Variants in STARD10 observed in about 807,000 individuals in gnomAD.
STARD10 encodes StAR related lipid transfer domain containing 10, also known as START domain-containing protein 10.
In STARD10, 24 loss-of-function variants were observed where a neutral mutation model predicts 36.0. The ratio of observed to expected loss-of-function variants is 0.67; its 90% CI spans 0.48 to 0.94. The LOEUF is 0.94. STARD10 is among the 40% of genes least tolerant of loss of function. STARD10 has a pLI of 0.00. For synonymous variants in STARD10, 156 were observed against 161.9 expected (o/e 0.96, Z 0.28); for missense variants, 335 against 396.6 (o/e 0.84, Z 1.32).
At chr11:72,760,689 T>C (rs1414074974) in intron 2 of STARD10, among the ~76,000 whole-genome samples, 6 of 152,162 alleles carry the variant, frequency 3.9e-5, no homozygotes, top group Admixed American at 3.9e-4. Context: ...ACTCGCCCAA[T>C]GTCACTCAGC....
At chr11:72,777,906 C>T (rs1858946784) in intron 2 of STARD10, among the ~76,000 whole-genome samples, 1 of 152,192 alleles carries the variant, frequency 6.6e-6, no homozygotes, top group Non-Finnish European at 1.5e-5. Flanking sequence ...GCTTTCCCAG[C>T]TCTGGGGACA....
intron 2 of STARD10, among the ~76,000 whole-genome samples, chr11:72,762,972 C>A (rs1858740488): frequency 1.3e-5 from 2 of 152,182 alleles, no homozygotes; most frequent in African/African-American, 2.4e-5. Context: ...CATGGAACAT[C>A]TTCTTGTGCC....
chr11:72,792,655 A>G (rs1859162190), intron 1 of STARD10, among the ~76,000 whole-genome samples: 1 of 152,016 alleles, frequency 6.6e-6, no homozygotes, highest in African/African-American at 2.4e-5. Context: ...CCTAGACCTC[A>G]GCTCAATGCG....
At chr11:72,755,599 C>G (rs745761991) in intron 6 of STARD10, 102 bp downstream of exon 6, 1 of 1,364,872 alleles carries the variant, frequency 7.3e-7, no homozygotes, top group South Asian at 1.2e-5. Flanking sequence ...GCATGAGCCA[C>G]CACGCCTGGC....
intron 3 of STARD10, 35 bp downstream of exon 3, chr11:72,759,199 A>G: frequency 3.7e-6 from 6 of 1,610,962 alleles, no homozygotes; most frequent in Non-Finnish European, 5.1e-6. Context: ...GATGGAGGCC[A>G]AGGGGACTGG....
chr11:72,776,807 G>A (rs1454473905), intron 2 of STARD10, among the ~76,000 whole-genome samples: 1 of 152,156 alleles, frequency 6.6e-6, no homozygotes, highest in African/African-American at 2.4e-5. Flanking sequence ...GGGTGAGAGG[G>A]TGAGGTGCTG....
rs1173742341 is a variant in STARD10, at chr11:72,781,722, G to C, written c.-113-428C>G. The C allele has an allele frequency of 6.7e-6, 1 of 148,236 alleles. No homozygotes were observed. Among genetic ancestry groups the C allele is most frequent in the Non-Finnish European group, 1.5e-5 (1 of 66,532 alleles). The allele number at this position is 148,236 out of a possible 1,614,324, so 9.2% of individuals were successfully genotyped here. A position where few individuals can be genotyped will look rare whatever the true frequency, so the allele number is the denominator to read the frequency against. On this transcript the variant is annotated intron_variant, in intron 1 of 6. Transcript: ENST00000334805. This position sits in a 1 kb window ranked among gnomAD's most constrained non-coding sequence, Gnocchi z 4.7. Reference sequence around the variant, plus strand: ...CCGGGGTGCCAGCGCCGCCGCCGCAGCTGCCCGGGAGACCCGGGGCCGCGC... The same window carrying C: ...CCGGGGTGCCAGCGCCGCCGCCGCACCTGCCCGGGAGACCCGGGGCCGCGC...
intron 2 of STARD10, among the ~76,000 whole-genome samples, chr11:72,770,378 C>T (rs1421656207): frequency 6.6e-6 from 1 of 152,066 alleles, no homozygotes; most frequent in Non-Finnish European, 1.5e-5. Context: ...CCATCGCGCC[C>T]GGCTAATTTT....
At chr11:72,776,061 A>T (rs1462820020) in intron 2 of STARD10, among the ~76,000 whole-genome samples, 1 of 152,202 alleles carries the variant, frequency 6.6e-6, no homozygotes, top group Non-Finnish European at 1.5e-5. Flanking sequence ...CTGTTCCCCA[A>T]GGACAGCTCT....
intron 2 of STARD10, among the ~76,000 whole-genome samples, chr11:72,761,693 C>G (rs1024487211): frequency 5.3e-5 from 8 of 151,706 alleles, no homozygotes; most frequent in African/African-American, 1.9e-4. Context: ...TTCCGTGAGC[C>G]GAGATCATGC....
chr11:72,765,669 G>A (rs573806308), intron 2 of STARD10, among the ~76,000 whole-genome samples: 28 of 152,176 alleles, frequency 1.8e-4, no homozygotes, highest in Non-Finnish European at 3.5e-4. Flanking sequence ...TGCCTAGCGC[G>A]TAGTAAATAC....
At chr11:72,777,656 G>C (rs1858943186) in intron 2 of STARD10, among the ~76,000 whole-genome samples, 1 of 152,228 alleles carries the variant, frequency 6.6e-6, no homozygotes, top group Admixed American at 6.5e-5. Context: ...GTGCAGCCCT[G>C]GGGCCAGGTC....
At chr11:72,763,495 C>G (rs1373764033) in intron 2 of STARD10, among the ~76,000 whole-genome samples, 3 of 152,142 alleles carry the variant, frequency 2.0e-5, no homozygotes, top group African/African-American at 7.2e-5. Context: ...GAGAGGAATA[C>G]AGGTATCACT....
At chr11:72,761,358 T>C (rs1448075439) in intron 2 of STARD10, among the ~76,000 whole-genome samples, 1 of 152,124 alleles carries the variant, frequency 6.6e-6, no homozygotes, top group Non-Finnish European at 1.5e-5. Flanking sequence ...ACACCATCTA[T>C]AAAGGGGATT....
chr11:72,773,835 G>C (rs574625696), intron 2 of STARD10, among the ~76,000 whole-genome samples: 1 of 152,170 alleles, frequency 6.6e-6, no homozygotes, highest in Non-Finnish European at 1.5e-5. Context: ...CTCGTCACCC[G>C]TTCAGGATGT....
At chr11:72,761,847 G>A (rs935893861) in intron 2 of STARD10, among the ~76,000 whole-genome samples, 1 of 150,624 alleles carries the variant, frequency 6.6e-6, no homozygotes, top group African/African-American at 2.4e-5. Context: ...TAACAGTGGA[G>A]ATCTCTAAAT....
At chr11:72,776,579 C>G (rs1045481102) in intron 2 of STARD10, among the ~76,000 whole-genome samples, 2 of 152,112 alleles carry the variant, frequency 1.3e-5, no homozygotes, top group African/African-American at 4.8e-5. Context: ...CTTGGCGAGT[C>G]AAGGACCTAG....
intron 2 of STARD10, among the ~76,000 whole-genome samples, chr11:72,772,234 G>A (rs1268293150): frequency 6.6e-6 from 1 of 150,806 alleles, no homozygotes; most frequent in Non-Finnish European, 1.5e-5. Context: ...TAGTGGGCAT[G>A]GCTCCCCTGT....
At chr11:72,776,053 G>T (rs147098910) in intron 2 of STARD10, among the ~76,000 whole-genome samples, 1 of 152,324 alleles carries the variant, frequency 6.6e-6, no homozygotes, top group East Asian at 1.9e-4. Context: ...CTGGGAGCCT[G>T]TTCCCCAAGG....
Sources: allele counts gnomAD v4.1 joint callset (sites outside exome capture counted in the v4.1 genomes callset), GRCh38; gene constraint gnomAD v4.1.1; non-coding constraint Gnocchi (gnomAD v3.1); transcripts MANE v1.5; gene names NCBI Gene and HGNC (gene_info 2026-07-23, HGNC 2026-07-21).